SDAD1: variants seen among roughly 807,000 people sequenced by gnomAD.
SDAD1 encodes protein SDA1 homolog.
SDAD1 carries 79 observed loss-of-function variants against 100.3 expected under a neutral mutation model. The ratio of observed to expected loss-of-function variants is 0.79; its 90% CI spans 0.66 to 0.95. The LOEUF is 0.95. SDAD1 is among the 40% of genes least tolerant of loss of function. The pLI, the probability that SDAD1 is intolerant of heterozygous loss-of-function variation, is 0.00. For synonymous variants in SDAD1, 267 were observed against 271.4 expected (o/e 0.98, Z 0.16); for missense variants, 790 against 810.9 (o/e 0.97, Z 0.31).
At chr4:75,956,397 T>G (rs1046670782) in intron 20 of SDAD1, among the ~76,000 whole-genome samples, 6 of 106,942 alleles carry the variant, frequency 5.6e-5, no homozygotes, top group Admixed American at 1.2e-4. Context: ...AGGTAGACTG[T>G]TTTTTTTTTG....
At chr4:75,964,086 C>T in intron 14 of SDAD1, 49 bp downstream of exon 14, 1 of 1,199,454 alleles carries the variant, frequency 8.3e-7, no homozygotes, top group African/African-American at 1.5e-5. Context: ...TATAGCAAAT[C>T]TAGTCCATTA....
intron 1 of SDAD1, among the ~76,000 whole-genome samples, chr4:75,990,223 T>C (rs980664885): frequency 6.6e-6 from 1 of 151,332 alleles, no homozygotes; most frequent in Non-Finnish European, 1.5e-5. Flanking sequence ...GTTTGAATCC[T>C]GGCTTAACTA....
rs1330010034 is a variant in SDAD1, at chr4:75,961,117, A to G, written c.1280-13T>C. 6.2e-7 allele frequency: 1 copy of G among 1,612,968 alleles called. No individual in the cohort carries two copies. The highest frequency in any genetic ancestry group is 1.7e-5 in the Admixed American group (1 of 60,020). ...GACATCATTACATCTGTAAAATAAT[A>G]CTTTTAATTAGAAATTCTGGCCCAT... On this transcript the variant is annotated splice_polypyrimidine_tract_variant and intron_variant, in intron 15 of 21. Coordinates refer to ENST00000356260, the MANE Select transcript of SDAD1 (RefSeq NM_018115.4).
At chr4:75,989,442 ATC>A (rs1177112604) in intron 1 of SDAD1, among the ~76,000 whole-genome samples, 1 of 152,216 alleles carries the variant, frequency 6.6e-6, no homozygotes, top group Non-Finnish European at 1.5e-5. Context: ...ATGCTTTCTT[ATC>A]TGTCTTATTC....
chr4:75,961,305 G>T lies in SDAD1; in HGVS notation c.1185C>A (p.Ile395=). ...GAGCTGTTATCTCCTTTATAGCATTGATTCTAGAAAAAGAAAAACAAAGTT... is the reference window on the plus strand; with the variant it reads ...GAGCTGTTATCTCCTTTATAGCATTTATTCTAGAAAAAGAAAAACAAAGTT... ...KNSGEVMTVG[I]NAIKEITARC... Residue 395 remains isoleucine (I), a synonymous_variant, in exon 15 of 22, where the codon ATC becomes ATA. Coordinates refer to ENST00000356260, the MANE Select transcript of SDAD1 (RefSeq NM_018115.4). The T allele has an allele frequency of 6.2e-7, 1 of 1,609,536 alleles. No homozygotes were observed. Among genetic ancestry groups the T allele is most frequent in the South Asian group, 1.1e-5 (1 of 90,190 alleles).
intron 20 of SDAD1, 142 bp downstream of exon 20, chr4:75,957,183 T>C: frequency 1.5e-6 from 1 of 653,900 alleles, no homozygotes; most frequent in Non-Finnish European, 2.6e-6. Context: ...ATCTAATATC[T>C]GTGCATTTTA....
At chr4:75,962,456 T>G (rs1729299635) in intron 14 of SDAD1, among the ~76,000 whole-genome samples, 1 of 152,222 alleles carries the variant, frequency 6.6e-6, no homozygotes, top group Non-Finnish European at 1.5e-5. Flanking sequence ...TAGTTCTAGA[T>G]CCTTGAGGAA....
intron 12 of SDAD1, among the ~76,000 whole-genome samples, chr4:75,967,075 T>C (rs887773975): frequency 3.9e-5 from 6 of 152,208 alleles, no homozygotes; most frequent in African/African-American, 1.2e-4. Flanking sequence ...CAGTTGTTGT[T>C]GTTTTAAAAA....
At chr4:75,978,982 G>GGA (rs565404495) in intron 3 of SDAD1, among the ~76,000 whole-genome samples, 2 of 38,036 alleles carry the variant, frequency 5.3e-5, no homozygotes, top group Admixed American at 4.2e-4. Context: ...CCCTGTCTCA[G>GGA]AAAAAAAAAA....
chr4:75,954,695 G>A (rs1728794194), intron 21 of SDAD1, among the ~76,000 whole-genome samples: 1 of 152,186 alleles, frequency 6.6e-6, no homozygotes, highest in African/African-American at 2.4e-5. Flanking sequence ...ACAATGCCAG[G>A]TTGGGCTGCC....
intron 14 of SDAD1, among the ~76,000 whole-genome samples, chr4:75,962,104 T>C (rs1017417670): frequency 1.3e-5 from 2 of 152,188 alleles, no homozygotes; most frequent in African/African-American, 4.8e-5. Flanking sequence ...TGTGTCCAAG[T>C]GTTCTCATTG....
intron 14 of SDAD1, among the ~76,000 whole-genome samples, chr4:75,963,113 T>C (rs1729341197): frequency 1.3e-5 from 2 of 152,208 alleles, no homozygotes. Context: ...CTGCATATGC[T>C]AGCCAGTTTT....
At chr4:75,959,940 G>T in intron 17 of SDAD1, 126 bp downstream of exon 17, 1 of 983,288 alleles carries the variant, frequency 1.0e-6, no homozygotes, top group Non-Finnish European at 1.4e-6. Context: ...TTCTAACAGT[G>T]CGTGGCACAT....
At chr4:75,985,467 C>G (rs1006584441) in intron 1 of SDAD1, among the ~76,000 whole-genome samples, 2 of 152,160 alleles carry the variant, frequency 1.3e-5, no homozygotes, top group African/African-American at 4.8e-5. Context: ...TTCTCCTCAA[C>G]TGTCCTCACC....
intron 13 of SDAD1, among the ~76,000 whole-genome samples, chr4:75,965,171 C>T (rs986456623): frequency 6.6e-6 from 1 of 152,142 alleles, no homozygotes; most frequent in Non-Finnish European, 1.5e-5. Context: ...AGGTAGGTCT[C>T]TGAAATGGCC....
chr4:75,957,231 T>A lies in SDAD1; in HGVS notation c.1854+94A>T, dbSNP rs878947081. 5.1e-6 allele frequency: 5 copies of A among 982,870 alleles called. No individual in the cohort carries two copies. The South Asian group carries it at 7.7e-5, about 15-fold the overall frequency. 60.9% of individuals were successfully genotyped at this position (982,870 alleles called of 1,614,324 possible). On this transcript the variant is annotated intron_variant, in intron 20 of 21. Transcript: ENST00000356260. ...ATTATACCTTTATTTAAAACATTTT[T>A]AAAAATTGCCATTCTGTGGCTATAC...
Position 75,967,310 on chromosome 4 carries a change from AG to A in SDAD1, c.1011del (p.Leu339CysfsTer12). The A allele has an allele frequency of 6.2e-7, 1 of 1,613,970 alleles. No individual in the cohort carries two copies. The highest frequency in any genetic ancestry group is 8.5e-7 in the Non-Finnish European group (1 of 1,179,936). On this transcript the variant is annotated frameshift_variant, in exon 12 of 22. Coordinates refer to ENST00000356260, the MANE Select transcript of SDAD1 (RefSeq NM_018115.4). LOFTEE classifies it high-confidence loss of function. ...IHELFLFNFY[P>X]FLQRFLQPHQ... is the part of the protein sequence containing the mutation. ...TGGGGCTGCAGAAACCTTTGCAAAA[AG>A]GGATAGAAATTGAAGAGGAAAAGCT...
At position 75,950,709 on chromosome 4, in the gene SDAD1, AAAC is replaced by A; in HGVS notation, c.*38_*40del. 6.9e-7 allele frequency: 1 copy of A among 1,449,196 alleles called. No homozygotes were observed. The highest frequency in any genetic ancestry group is 9.6e-7 in the Non-Finnish European group (1 of 1,040,512). The allele number at this position is 1,449,196 out of a possible 1,614,324, so 89.8% of individuals were successfully genotyped here. On this transcript the variant is annotated 3_prime_UTR_variant, in exon 22 of 22. Transcript: ENST00000356260. The stretch of plus-strand genomic sequence containing the variant: ...TTACCAATTTTCAGAGCAAGGACAC[AAAC>A]TTAGCATTCTTCTAGGAATGGAAAA...
At chr4:75,956,414 T>G (rs1275457553) in intron 20 of SDAD1, among the ~76,000 whole-genome samples, 3 of 151,172 alleles carry the variant, frequency 2.0e-5, no homozygotes, top group Admixed American at 1.3e-4. Context: ...TTTGTTTTTT[T>G]TTTTTTTGCA....
Sources: gnomAD v4.1 joint callset for allele counts (sites outside exome capture counted in the v4.1 genomes callset) on GRCh38, gnomAD v4.1.1 for gene constraint, MANE v1.5 for transcripts, NCBI Gene and HGNC (gene_info 2026-07-23, HGNC 2026-07-21) for gene names.